The following RYR3 variants were observed in gnomAD, a reference collection of about 807,000 sequenced individuals.
RYR3 encodes ryanodine receptor 3.
Under a neutral mutation model 584.3 loss-of-function variants are expected in RYR3, and 207 were observed. The observed-to-expected ratio is 0.35, with a 90% confidence interval of 0.32 to 0.40. RYR3 has a LOEUF of 0.40. Among genes scored for constraint, RYR3 ranks in the 10% least tolerant of loss-of-function variants. The pLI is 1.00. For missense variants in RYR3, 5,616 were observed against 6,089.2 expected (o/e 0.92, Z 2.59); for synonymous variants, 2,416 against 2,248.5 (o/e 1.07, Z -2.11).
At position 33,623,906 on chromosome 15, in the gene RYR3, G is replaced by T. The variant is rs1003058342; in HGVS notation, c.2457G>T (p.Met819Ile). 6.2e-7 allele frequency: 1 copy of T among 1,613,872 alleles called. No individual in the cohort carries two copies. The highest frequency in any genetic ancestry group is 8.5e-7 in the Non-Finnish European group (1 of 1,179,772). ...AAGCCTTACTTCCAAAAGAGAAGAT[G>T]AGATTGGAGCCTGTCAAAGAATATA... ...CYEALLPKEKMRLEPVKEYKR... is the reference protein window; with the variant it reads ...CYEALLPKEKIRLEPVKEYKR... Residue 819 changes from methionine to isoleucine, a missense_variant, in exon 20 of 104, where the codon ATG becomes ATT. Transcript: ENST00000634891.
Position 33,539,435 on chromosome 15 carries a change from C to T in RYR3, c.519C>T (p.Leu173=), listed in dbSNP as rs773675905. ...EKVRIGDDLI[L]VSVSSERYLH... ...TTCGAATTGGCGATGACCTCATCCT[C>T]GTCAGCGTGTCCTCTGAAAGATACC... Residue 173 remains leucine (L), a synonymous_variant, in exon 6 of 104, where the codon CTC becomes CTT. Coordinates refer to ENST00000634891, the MANE Select transcript of RYR3 (RefSeq NM_001036.6). 6.3e-6 allele frequency: 10 copies of T among 1,598,598 alleles called. No individual in the cohort carries two copies. The highest frequency in any genetic ancestry group is 2.7e-5 in the African/African-American group (2 of 74,614).
intron 38 of RYR3, among the ~76,000 whole-genome samples, chr15:33,678,463 C>A (rs1740273961): frequency 6.6e-6 from 1 of 152,224 alleles, no homozygotes; most frequent in African/African-American, 2.4e-5. Flanking sequence ...GGCCTCCCAG[C>A]CATGCTTCCT....
Position 33,427,903 on chromosome 15 carries a change from G to C in RYR3, c.52-45516G>C, listed in dbSNP as rs537466608. 3.9e-5 allele frequency among the ~76,000 whole-genome samples: 6 copies of C among 152,318 alleles called. No individual in the cohort carries two copies. In the East Asian group the frequency reaches 1.2e-3, roughly 29 times the overall value. ...ATCCAAAGAGAATAGCAAAGGGCAG[G>C]CCTTAAGTAGACAGGAAATGCTCAT... On this transcript the variant is annotated intron_variant, in intron 1 of 103. Transcript: ENST00000634891.
In RYR3 at chr15:33,549,025, G is replaced by C. The variant is rs145774956; in HGVS notation, c.815+821G>C. On this transcript the variant is annotated intron_variant, in intron 9 of 103. Transcript: ENST00000634891. Reference sequence around the variant, plus strand: ...GAAGATAATCCATTGGCAATCAGAAGGGAATGTTAGGAATTCTCTTACACC... The same window carrying C: ...GAAGATAATCCATTGGCAATCAGAACGGAATGTTAGGAATTCTCTTACACC... Among the ~76,000 whole-genome samples, 1,358 of 151,524 alleles carry C rather than the reference G, an allele frequency of 9.0e-3. 23 individuals carry two copies. The highest frequency in any genetic ancestry group is 0.031 in the African/African-American group (1,279 of 41,332).
At chr15:33,619,408 G>A (rs930897018) in intron 19 of RYR3, among the ~76,000 whole-genome samples, 16 of 152,134 alleles carry the variant, frequency 1.1e-4, no homozygotes, top group Non-Finnish European at 2.1e-4. Context: ...ATGTAGAGAG[G>A]GGAGATTTAC....
chr15:33,345,101 T>C (rs1348964375), intron 1 of RYR3, among the ~76,000 whole-genome samples: 1 of 152,200 alleles, frequency 6.6e-6, no homozygotes, highest in Non-Finnish European at 1.5e-5. Context: ...TCTTTTCTTT[T>C]TCTTTTTTTT....
intron 12 of RYR3, among the ~76,000 whole-genome samples, chr15:33,567,694 T>G (rs558635887): frequency 9.3e-4 from 141 of 152,248 alleles, no homozygotes; most frequent in African/African-American, 3.2e-3. Flanking sequence ...CTCCCACAGA[T>G]TCTTAAAGTT....
intron 16 of RYR3, among the ~76,000 whole-genome samples, chr15:33,591,960 G>T (rs1020134739): frequency 1.3e-5 from 2 of 152,198 alleles, no homozygotes; most frequent in Non-Finnish European, 2.9e-5. Flanking sequence ...CAGTGTTTCC[G>T]TAGGTATTTA....
At chr15:33,791,067 G>C (rs2075125458) in intron 67 of RYR3, among the ~76,000 whole-genome samples, 1 of 152,202 alleles carries the variant, frequency 6.6e-6, no homozygotes, top group South Asian at 2.1e-4. Flanking sequence ...TGGGTTAAAA[G>C]AATGAGAGAA....
intron 10 of RYR3, among the ~76,000 whole-genome samples, chr15:33,557,108 G>A (rs1037703694): frequency 6.6e-6 from 1 of 152,134 alleles, no homozygotes; most frequent in East Asian, 1.9e-4. Context: ...CTTTGGAATT[G>A]TACCTGATTT....
chr15:33,516,010 T>G (rs2053485281), intron 3 of RYR3, among the ~76,000 whole-genome samples: 1 of 152,192 alleles, frequency 6.6e-6, no homozygotes, highest in South Asian at 2.1e-4. Flanking sequence ...ACTTCACTTC[T>G]TTTTCCCACA....
intron 55 of RYR3, among the ~76,000 whole-genome samples, chr15:33,749,151 A>G (rs938345828): frequency 1.3e-5 from 2 of 152,212 alleles, no homozygotes; most frequent in African/African-American, 2.4e-5. Context: ...TAAATAAGAC[A>G]GCTAGGACAA....
intron 2 of RYR3, among the ~76,000 whole-genome samples, chr15:33,473,904 A>G (rs756489369): frequency 2.6e-4 from 39 of 152,218 alleles, no homozygotes; most frequent in Admixed American, 9.1e-4. Context: ...CTGTTGTTCT[A>G]TTGCTACAGA....
At chr15:33,419,178 C>T (rs1336967919) in intron 1 of RYR3, among the ~76,000 whole-genome samples, 1 of 152,084 alleles carries the variant, frequency 6.6e-6, no homozygotes, top group Non-Finnish European at 1.5e-5. Flanking sequence ...TGGGCAGGGA[C>T]TGAGAAGCAA....
At chr15:33,859,069 G>A (rs2080052008) in intron 99 of RYR3, 1 of 154,134 alleles carries the variant, frequency 6.5e-6, no homozygotes, top group South Asian at 2.0e-4. Flanking sequence ...CCTGCTCAGG[G>A]AGCCCGTGCC....
rs563972893 is a variant in RYR3 at position 33,592,327 on chromosome 15, T to G, written c.1788+6211T>G. Among the ~76,000 whole-genome samples the G allele has an allele frequency of 2.0e-5, 3 of 152,354 alleles. No individual in the cohort carries two copies. The South Asian group carries it at 6.2e-4, about 32-fold the overall frequency. On this transcript the variant is annotated intron_variant, in intron 16 of 103. Coordinates refer to ENST00000634891, the MANE Select transcript of RYR3 (RefSeq NM_001036.6). ...GGGGATCATGTTAACATGAGGGCTC[T>G]GATTCAGTAATTTCGGAGTGGGACT...
At chr15:33,621,558 T>G (rs2060726078) in intron 19 of RYR3, among the ~76,000 whole-genome samples, 3 of 152,234 alleles carry the variant, frequency 2.0e-5, no homozygotes, top group Admixed American at 1.3e-4. Context: ...TTCAAATTCT[T>G]AATACACATA....
intron 60 of RYR3, among the ~76,000 whole-genome samples, chr15:33,766,258 G>A (rs1320754190): frequency 6.7e-6 from 1 of 148,352 alleles, no homozygotes; most frequent in Non-Finnish European, 1.5e-5. Flanking sequence ...ACTCCAGCCT[G>A]GACAAGACAG....
chr15:33,425,842 C>T (rs532178769), intron 1 of RYR3, among the ~76,000 whole-genome samples: 4 of 152,100 alleles, frequency 2.6e-5, no homozygotes, highest in South Asian at 2.1e-4. Flanking sequence ...CGGGGTTTCA[C>T]CGTGTTAGCC....
Sources: gnomAD v4.1 joint callset for allele counts (sites outside exome capture counted in the v4.1 genomes callset) on GRCh38, gnomAD v4.1.1 for gene constraint, MANE v1.5 for transcripts, NCBI Gene and HGNC (gene_info 2026-07-23, HGNC 2026-07-21) for gene names.